Variants in TMEM150B observed in about 807,000 individuals in gnomAD.
TMEM150B encodes the protein transmembrane protein 150B, also known as modulator of macroautophagy TMEM150B.
A neutral mutation model predicts 25.2 loss-of-function variants in TMEM150B; 33 were observed. The observed-to-expected ratio is 1.31, with a 90% CI of 0.99 to 1.75. TMEM150B has a LOEUF of 1.75. Ranked by LOEUF, TMEM150B falls within the 40% of genes most tolerant of loss-of-function variation. The pLI is 0.00. For synonymous variants in TMEM150B, 133 were observed against 134.8 expected, an observed-to-expected ratio of 0.99 and a Z score of 0.09; for missense variants, 322 against 306.1, an observed-to-expected ratio of 1.05 and a Z score of -0.39.
At chr19:55,320,328 C>A in intron 5 of TMEM150B, 63 bp downstream of exon 5, 1 of 1,498,890 alleles carries the variant, frequency 6.7e-7, no homozygotes, top group South Asian at 1.3e-5. Context: ...GAGAAAGGAG[C>A]GGTTTCGGAA....
rs578198334 is a variant in TMEM150B at position 55,319,841 on chromosome 19, G to A, written c.324+198C>T. Reference sequence around the variant, plus strand: ...GTCAACGAAGTCCTACATACAAACAGCCTCGCTCGTAGTGCCCCACTCAGA... The same window carrying A: ...GTCAACGAAGTCCTACATACAAACAACCTCGCTCGTAGTGCCCCACTCAGA... On this transcript the variant is annotated intron_variant, in intron 6 of 7. Transcript: ENST00000326652. 523 of 1,415,924 alleles carry A rather than the reference G, an allele frequency of 3.7e-4. 5 individuals are homozygous for A. The South Asian group carries it at 7.5e-3, about 20-fold the overall frequency. 87.7% of individuals were successfully genotyped at this position (1,415,924 alleles called of 1,614,324 possible). A position where few individuals can be genotyped will look rare whatever the true frequency, so the allele number is the denominator to read the frequency against.
At chr19:55,321,147 C>A in intron 2 of TMEM150B, 54 bp from the exon 3 acceptor site, 1 of 1,475,306 alleles carries the variant, frequency 6.8e-7, no homozygotes, top group South Asian at 1.4e-5. Context: ...TGGCCCCAAC[C>A]ACTAGGCCCC....
intron 7 of TMEM150B, among the ~76,000 whole-genome samples, chr19:55,316,096 C>T (rs2123065488): frequency 6.6e-6 from 1 of 152,264 alleles, no homozygotes; most frequent in East Asian, 1.9e-4. Context: ...TTGAGTCAAG[C>T]CTCATGTGGT....
At chr19:55,320,917 C>T (rs1264001356) in intron 3 of TMEM150B, 52 bp downstream of exon 3, 4 of 1,598,568 alleles carry the variant, frequency 2.5e-6, no homozygotes, top group Non-Finnish European at 3.4e-6. Flanking sequence ...AATCCAGGCC[C>T]CAGCCCCCTC....
chr19:55,312,226 A>C, downstream of TMEM150B: 43 of 386,804 alleles, frequency 1.1e-4, no homozygotes, highest in East Asian at 2.9e-4. Context: ...GCCGTGCCCA[A>C]CTGGGGGTGG....
At chr19:55,314,667 A>G (rs574628673) in intron 7 of TMEM150B, among the ~76,000 whole-genome samples, 56 of 141,482 alleles carry the variant, frequency 4.0e-4, no homozygotes, top group Middle Eastern at 7.0e-3. Flanking sequence ...ACTGATCATC[A>G]GGGCTAGTTT....
At chr19:55,320,342 G>A (rs753804471) in intron 5 of TMEM150B, 49 bp downstream of exon 5, 7 of 1,502,438 alleles carry the variant, frequency 4.7e-6, no homozygotes, top group African/African-American at 2.8e-5. Context: ...TTCGGAACTC[G>A]CTTGGCTGGG....
downstream of TMEM150B, among the ~76,000 whole-genome samples, chr19:55,311,751 A>G (rs569231775): frequency 1.3e-5 from 2 of 152,240 alleles, no homozygotes; most frequent in Admixed American, 1.3e-4. Context: ...TAACCAATTC[A>G]AGGCCAGGTG....
Position 55,312,841 on chromosome 19 carries a change from C to T in TMEM150B, c.*18G>A. The T allele has an allele frequency of 1.3e-6, 2 of 1,563,552 alleles. No individual in the cohort carries two copies. Among genetic ancestry groups the T allele is most frequent in the Non-Finnish European group, 1.7e-6 (2 of 1,155,576 alleles). On this transcript the variant is annotated 3_prime_UTR_variant, in exon 8 of 8. Transcript: ENST00000326652. ...TCCTGCTTCACTGGTGAGGGCAAGG[C>T]CCGGGTCAGGGTGCCTGCTACAGCT...
At position 55,313,066 on chromosome 19, in the gene TMEM150B, G is replaced by A; in HGVS notation, c.506-11C>T. On this transcript the variant is annotated splice_polypyrimidine_tract_variant and intron_variant, in intron 7 of 7. Coordinates refer to ENST00000326652, the MANE Select transcript of TMEM150B (RefSeq NM_001282011.2). ...CGTGGAGGACGATCACTGCCCCAGGGTCAAGGGCCACACTGCTACCGTGAC... is the reference window on the plus strand; with the variant it reads ...CGTGGAGGACGATCACTGCCCCAGGATCAAGGGCCACACTGCTACCGTGAC... 6.2e-7 allele frequency: 1 copy of A among 1,604,308 alleles called. No homozygotes were observed. Among genetic ancestry groups the A allele is most frequent in the Non-Finnish European group, 8.5e-7 (1 of 1,175,972 alleles).
At chr19:55,322,842 C>T in intron 1 of TMEM150B, 99 bp from the exon 2 acceptor site, 1 of 472,892 alleles carries the variant, frequency 2.1e-6, no homozygotes, top group Non-Finnish European at 2.8e-6. Context: ...TGTCCTGTCT[C>T]CTTAGAACCT....
Position 55,313,018 on chromosome 19 carries a change from A to G in TMEM150B, c.543T>C (p.Ser181=), listed in dbSNP as rs920339158. Residue 181 remains serine, a synonymous_variant, in exon 8 of 8, where the codon TCT becomes TCC. Transcript: ENST00000326652. ...TGGCCACGACCCACTCGCAGGCCGC[A>G]GAGACGCTACGCAGCGAGCAGGCGT... ...VLHACSLRSV[S]AACEWVVAML... 4.3e-6 allele frequency: 7 copies of G among 1,613,380 alleles called. No individual in the cohort carries two copies. Among genetic ancestry groups the G allele is most frequent in the Non-Finnish European group, 5.9e-6 (7 of 1,179,802 alleles).
intron 1 of TMEM150B, among the ~76,000 whole-genome samples, chr19:55,323,058 G>C (rs956385090): frequency 6.6e-6 from 1 of 152,024 alleles, no homozygotes; most frequent in African/African-American, 2.4e-5. Context: ...AGACACAGAA[G>C]TCCCAGCCAC....
At chr19:55,312,398 G>A (rs1442327809), downstream of TMEM150B, 3 of 195,058 alleles carry the variant, frequency 1.5e-5, no homozygotes, top group East Asian at 1.1e-4. Context: ...TCCCTGTGTC[G>A]TCCCCAACCC....
rs912264047 is a variant in TMEM150B at position 55,322,666 on chromosome 19, G to A, written c.-76C>T. 4 of 985,106 alleles carry A rather than the reference G, an allele frequency of 4.1e-6. No individual in the cohort carries two copies. Among genetic ancestry groups the A allele is most frequent in the Admixed American group, 6.2e-5 (1 of 16,234 alleles). The allele number at this position is 985,106 out of a possible 1,614,324, so 61.0% of individuals were successfully genotyped here. On this transcript the variant is annotated 5_prime_UTR_variant, in exon 2 of 8. Transcript: ENST00000326652. ...TGCTCACCTCTCCAAGCTTCCTGGG[G>A]CTCTCAGTCCTGGAGCTGGGGCTGG...
At chr19:55,312,108 C>G (rs747185105), downstream of TMEM150B, 7 of 878,802 alleles carry the variant, frequency 8.0e-6, no homozygotes, top group Non-Finnish European at 1.0e-5. Context: ...CCCTCCACCC[C>G]CCTTCCGTGC....
At chr19:55,312,562 A>G (rs1242951154), downstream of TMEM150B, 1 of 245,154 alleles carries the variant, frequency 4.1e-6, no homozygotes, top group Non-Finnish European at 7.6e-6. Flanking sequence ...AAAAAAAAAA[A>G]GATAATAATA....
chr19:55,324,504 C>T (rs983555047), intron 1 of TMEM150B, among the ~76,000 whole-genome samples: 1 of 151,790 alleles, frequency 6.6e-6, no homozygotes, highest in Non-Finnish European at 1.5e-5. Context: ...AAAAATTAGC[C>T]GGGTGTGGTG....
chr19:55,312,711 ACAGGTCCTCCGGCTC>A (rs1223284006), downstream of TMEM150B: 10 of 776,450 alleles, frequency 1.3e-5, no homozygotes, highest in African/African-American at 1.7e-4. Context: ...GCGCCGGCAC[ACAGGTCCTCCGGCTC>A]CAGGTCAGTC....
Sources: allele counts gnomAD v4.1 joint callset (sites outside exome capture counted in the v4.1 genomes callset), GRCh38; gene constraint gnomAD v4.1.1; transcripts MANE v1.5; gene names NCBI Gene and HGNC (gene_info 2026-07-23, HGNC 2026-07-21).